Variants in RALYL observed in about 807,000 individuals in gnomAD.
RALYL encodes the protein RALY RNA binding protein like, also known as RNA-binding Raly-like protein.
Under a neutral mutation model 35.1 loss-of-function variants are expected in RALYL, and 29 were observed. The observed-to-expected ratio is 0.83, with a 90% confidence interval of 0.61 to 1.13. RALYL has a LOEUF of 1.13. Among genes scored for constraint, RALYL ranks in the 50% most tolerant of loss-of-function variants. The pLI is 0.00. For missense variants in RALYL, 359 were observed against 360.4 expected (o/e 1.00, Z 0.03); for synonymous variants, 120 against 127.6 (o/e 0.94, Z 0.40).
At chr8:84,582,817 T>A (rs999010746) in intron 2 of RALYL, among the ~76,000 whole-genome samples, 4 of 152,060 alleles carry the variant, frequency 2.6e-5, no homozygotes, top group Admixed American at 6.6e-5. Context: ...ATCTATAAGG[T>A]CAATTACCTA....
intron 4 of RALYL, among the ~76,000 whole-genome samples, chr8:84,826,647 A>G (rs566603116): frequency 1.3e-5 from 2 of 152,194 alleles, no homozygotes; most frequent in East Asian, 1.9e-4. Flanking sequence ...TGACATGCCC[A>G]GTAAACTACT....
At position 84,853,842 on chromosome 8, in the gene RALYL, T is replaced by TC. The variant is rs11481253; in HGVS notation, c.413+3815_413+3816insC. ...GTCTTCTTGCATTTGTGTTTTCTTT[T>TC]TCTCTCTCTCTTTTAGCAGAGGTGC... On this transcript the variant is annotated intron_variant, in intron 5 of 8. Coordinates refer to ENST00000521268, the MANE Select transcript of RALYL (RefSeq NM_173848.7). Among the ~76,000 whole-genome samples, 1,148 of 152,222 alleles carry TC rather than the reference T, an allele frequency of 7.5e-3. 10 individuals carry two copies. The highest frequency in any genetic ancestry group is 0.026 in the African/African-American group (1,096 of 41,512).
chr8:84,778,672 G>A lies in RALYL; in HGVS notation c.332+4018G>A, dbSNP rs189997747. On this transcript the variant is annotated intron_variant, in intron 3 of 8. Transcript: ENST00000521268. ...AGGATAGTCTACCTTGTGGGGAATG[G>A]AAAACTGGGGCATTATGGTGCCCAG... Among the ~76,000 whole-genome samples the A allele has an allele frequency of 1.4e-3, 206 of 152,304 alleles. 1 individual carries two copies. Among genetic ancestry groups the A allele is most frequent in the Non-Finnish European group, 2.4e-3 (164 of 68,014 alleles).
intron 2 of RALYL, among the ~76,000 whole-genome samples, chr8:84,693,619 G>T (rs927625209): frequency 1.3e-5 from 2 of 151,832 alleles, no homozygotes; most frequent in African/African-American, 4.8e-5. Context: ...CATTTTATGA[G>T]GCCAGCATTA....
At chr8:84,867,855 G>A (rs1839453860) in intron 6 of RALYL, among the ~76,000 whole-genome samples, 1 of 152,098 alleles carries the variant, frequency 6.6e-6, no homozygotes, top group South Asian at 2.1e-4. Flanking sequence ...CATGAGCCCT[G>A]AGGAACTATT....
chr8:84,309,922 A>C (rs924263705), intron 1 of RALYL, among the ~76,000 whole-genome samples: 1 of 151,556 alleles, frequency 6.6e-6, no homozygotes, highest in Admixed American at 6.6e-5. Flanking sequence ...ACAGGCTTTC[A>C]CTCTTTTGAG....
At chr8:84,376,358 G>A (rs1374467217) in intron 1 of RALYL, among the ~76,000 whole-genome samples, 1 of 151,806 alleles carries the variant, frequency 6.6e-6, no homozygotes, top group Non-Finnish European at 1.5e-5. Context: ...GGATCTGAGT[G>A]AAGAAATAAA....
At chr8:84,401,034 A>G (rs973172025) in intron 1 of RALYL, among the ~76,000 whole-genome samples, 1 of 152,092 alleles carries the variant, frequency 6.6e-6, no homozygotes, top group Non-Finnish European at 1.5e-5. Context: ...GTTCATTTCC[A>G]TGAAGCTGTG....
intron 2 of RALYL, among the ~76,000 whole-genome samples, chr8:84,548,417 C>G (rs2135389151): frequency 6.6e-6 from 1 of 152,162 alleles, no homozygotes; most frequent in African/African-American, 2.4e-5. Flanking sequence ...ATAGTTACTA[C>G]CATTTCCTTA....
intron 1 of RALYL, among the ~76,000 whole-genome samples, chr8:84,450,775 G>C (rs711011): frequency 0.39 from 59,379 of 151,672 alleles, 11,809 homozygotes; most frequent in South Asian, 0.52. Context: ...TCTTATTATG[G>C]TTAATTTTGC....
At chr8:84,324,511 T>C (rs1845443254) in intron 1 of RALYL, among the ~76,000 whole-genome samples, 1 of 152,074 alleles carries the variant, frequency 6.6e-6, no homozygotes, top group Non-Finnish European at 1.5e-5. Flanking sequence ...TGAGAACCCA[T>C]TCAAAGGAGT....
chr8:84,303,635 G>A (rs940673427), intron 1 of RALYL, among the ~76,000 whole-genome samples: 1 of 152,182 alleles, frequency 6.6e-6, no homozygotes, highest in Non-Finnish European at 1.5e-5. Context: ...TGACCTGAAA[G>A]GAAAGCTCAG....
At chr8:84,335,013 C>T (rs1847503959) in intron 1 of RALYL, among the ~76,000 whole-genome samples, 1 of 152,264 alleles carries the variant, frequency 6.6e-6, no homozygotes, top group African/African-American at 2.4e-5. Flanking sequence ...TCCTTCCCCT[C>T]ACTGCTGTTT....
intron 1 of RALYL, among the ~76,000 whole-genome samples, chr8:84,207,828 A>G (rs772888966): frequency 3.5e-4 from 51 of 145,964 alleles, no homozygotes; most frequent in South Asian, 8.6e-4. Flanking sequence ...GTGTATATAT[A>G]TATATATATA....
chr8:84,344,906 T>C (rs114338289), intron 1 of RALYL, among the ~76,000 whole-genome samples: 1,688 of 152,202 alleles, frequency 0.011, 28 homozygotes, highest in African/African-American at 0.038. Context: ...TAATATTACA[T>C]TGAGCTTACA....
At chr8:84,311,090 A>AAAAAAAAAAATATATAT (rs1554614840) in intron 1 of RALYL, among the ~76,000 whole-genome samples, 1 of 99,770 alleles carries the variant, frequency 1.0e-5, no homozygotes, top group African/African-American at 3.6e-5. Flanking sequence ...AAAAAAAAAA[A>AAAAAAAAAAATATATAT]ATGTATATTA....
chr8:84,379,180 A>G (rs1945985152), intron 1 of RALYL, among the ~76,000 whole-genome samples: 1 of 151,978 alleles, frequency 6.6e-6, no homozygotes, highest in African/African-American at 2.4e-5. Flanking sequence ...ATAATTATAA[A>G]GAAATCTTAC....
Position 84,847,380 on chromosome 8 carries a change from C to T in RALYL, c.366-2600C>T, listed in dbSNP as rs140239537. Among the ~76,000 whole-genome samples the T allele has an allele frequency of 7.0e-4, 106 of 152,316 alleles. 1 individual carries two copies. In the South Asian group the frequency reaches 8.9e-3, roughly 13 times the overall value. ...CATCCCCATGCAGGGTCCCCAGCTT[C>T]CTCCATCTTCAGCCTCAGTTACTGT... On this transcript the variant is annotated intron_variant, in intron 4 of 8. Coordinates refer to ENST00000521268, the MANE Select transcript of RALYL (RefSeq NM_173848.7).
intron 1 of RALYL, among the ~76,000 whole-genome samples, chr8:84,241,634 C>T (rs367938081): frequency 5.5e-4 from 83 of 151,894 alleles, no homozygotes; most frequent in Middle Eastern, 3.4e-3. Flanking sequence ...AAAAACTAGC[C>T]GGGCTTGGGG....
Sources: gnomAD v4.1 joint callset for allele counts (sites outside exome capture counted in the v4.1 genomes callset) on GRCh38, gnomAD v4.1.1 for gene constraint, MANE v1.5 for transcripts, NCBI Gene and HGNC (gene_info 2026-07-23, HGNC 2026-07-21) for gene names.